Variants in PDCD4 observed in about 807,000 individuals in gnomAD.
The protein encoded by PDCD4 is programmed cell death protein 4.
A neutral mutation model predicts 54.0 loss-of-function variants in PDCD4; 56 were observed. The observed-to-expected ratio is 1.04, with a 90% CI of 0.84 to 1.30. The LOEUF (loss-of-function observed/expected upper bound fraction) is 1.30. Ranked by LOEUF, PDCD4 falls within the 50% of genes most tolerant of loss-of-function variation. The probability of loss-of-function intolerance (pLI) is 0.00; values close to 1 mark genes in which losing one functional copy is unlikely to be tolerated. For missense variants in PDCD4, 584 were observed against 559.8 expected (o/e 1.04, Z -0.44); for synonymous variants, 186 against 194.8 (o/e 0.95, Z 0.37).
At chr10:110,875,294 C>A (rs764126806) in intron 1 of PDCD4, among the ~76,000 whole-genome samples, 18 of 152,024 alleles carry the variant, frequency 1.2e-4, no homozygotes, top group Non-Finnish European at 2.4e-4. Flanking sequence ...GTACTTACTC[C>A]TTTCTGAAAT....
intron 2 of PDCD4, among the ~76,000 whole-genome samples, chr10:110,877,733 C>T (rs537222807): frequency 9.9e-5 from 15 of 152,152 alleles, no homozygotes; most frequent in African/African-American, 3.6e-4. Flanking sequence ...CTAAGATAGA[C>T]CCTCTTTGTA....
At chr10:110,873,872 A>T (rs777850585) in intron 1 of PDCD4, among the ~76,000 whole-genome samples, 2 of 152,178 alleles carry the variant, frequency 1.3e-5, no homozygotes, top group African/African-American at 4.8e-5. Context: ...AATAAAAGAG[A>T]TGATAGTCAT....
Position 110,898,355 on chromosome 10 carries a change from G to A in PDCD4, c.*267G>A, listed in dbSNP as rs1394389347. 3.7e-6 allele frequency: 1 copy of A among 268,918 alleles called. No homozygotes were observed. Among genetic ancestry groups the A allele is most frequent in the Non-Finnish European group, 6.9e-6 (1 of 145,174 alleles). The allele number at this position is 268,918 out of a possible 1,614,324, so 16.7% of individuals were successfully genotyped here. ...ATAAGCTACCTTTTGTAAGTGCCAT[G>A]TTTATTATCTAATCATTCCAAGTTT... On this transcript the variant is annotated 3_prime_UTR_variant, in exon 12 of 12. Transcript: ENST00000280154.
At chr10:110,872,791 C>G (rs1194469168) in intron 1 of PDCD4, among the ~76,000 whole-genome samples, 1 of 152,168 alleles carries the variant, frequency 6.6e-6, no homozygotes, top group African/African-American at 2.4e-5. Context: ...AAGGGAGCCC[C>G]CTTTCTGTGA....
chr10:110,872,398 T>C (rs1280070152), intron 1 of PDCD4, among the ~76,000 whole-genome samples: 2 of 151,894 alleles, frequency 1.3e-5, no homozygotes, highest in African/African-American at 4.8e-5. Flanking sequence ...GGGGCCGGGA[T>C]TGGAAGGCGT....
intron 4 of PDCD4, among the ~76,000 whole-genome samples, chr10:110,884,101 A>G (rs1162065598): frequency 1.3e-5 from 2 of 152,194 alleles, no homozygotes; most frequent in African/African-American, 2.4e-5. Context: ...AGTAATTCAT[A>G]AGTTTTAAAT....
At chr10:110,890,863 C>G (rs1845744828) in intron 8 of PDCD4, 193 bp downstream of exon 8, 1 of 380,276 alleles carries the variant, frequency 2.6e-6, no homozygotes, top group East Asian at 3.9e-5. Flanking sequence ...AAAAATGAGT[C>G]TGTTAAAATG....
chr10:110,879,487 A>AC (rs1444255284), intron 2 of PDCD4, among the ~76,000 whole-genome samples: 1 of 151,796 alleles, frequency 6.6e-6, no homozygotes, highest in Non-Finnish European at 1.5e-5. Context: ...TAACACGGTG[A>AC]CCCCATCTGT....
chr10:110,888,512 G>C (rs1356966647), intron 6 of PDCD4, among the ~76,000 whole-genome samples: 2 of 152,030 alleles, frequency 1.3e-5, no homozygotes, highest in Non-Finnish European at 2.9e-5. Flanking sequence ...GATTACATAA[G>C]TTTATATTTA....
rs1379939259 is a variant in PDCD4, at chr10:110,899,453, A to G, written c.*1365A>G. The G allele has an allele frequency of 6.6e-6, 1 of 152,204 alleles. No individual in the cohort carries two copies. Among genetic ancestry groups the G allele is most frequent in the Non-Finnish European group, 1.5e-5 (1 of 68,028 alleles). 9.4% of individuals were successfully genotyped at this position (152,204 alleles called of 1,614,324 possible). ...ATTTTATTCTCAAGTGCTTAAAATT[A>G]ATGTAATTAAAAGCTTAGCTGACTA... is the stretch of plus-strand genomic sequence containing the variant. On this transcript the variant is annotated 3_prime_UTR_variant, in exon 12 of 12. Coordinates refer to ENST00000280154, the MANE Select transcript of PDCD4 (RefSeq NM_014456.5).
At chr10:110,885,558 C>T (rs1164394786) in intron 5 of PDCD4, among the ~76,000 whole-genome samples, 192 bp downstream of exon 5, 1 of 151,820 alleles carries the variant, frequency 6.6e-6, no homozygotes, top group Non-Finnish European at 1.5e-5. Flanking sequence ...GTGATGAGAG[C>T]TGTGTGCCAT....
At chr10:110,876,818 TTAG>T in intron 2 of PDCD4, 1 of 526,516 alleles carries the variant, frequency 1.9e-6, no homozygotes, top group Non-Finnish European at 3.3e-6. Context: ...AAAAAGTTAA[TTAG>T]AATTGTGTAA....
At chr10:110,875,938 G>A (rs1205990295) in intron 1 of PDCD4, 28 bp from the exon 2 acceptor site, 3 of 1,033,944 alleles carry the variant, frequency 2.9e-6, no homozygotes, top group Non-Finnish European at 4.3e-6. Flanking sequence ...AGATCTTGAA[G>A]CTTTCTTTTT....
chr10:110,889,894 A>G (rs749150790), intron 7 of PDCD4, among the ~76,000 whole-genome samples: 8 of 152,178 alleles, frequency 5.3e-5, no homozygotes, highest in Non-Finnish European at 1.2e-4. Flanking sequence ...TTCTTTATTT[A>G]TGAAACAAAA....
At chr10:110,885,206 A>G in intron 4 of PDCD4, 47 bp from the exon 5 acceptor site, 1 of 836,814 alleles carries the variant, frequency 1.2e-6, no homozygotes, top group Non-Finnish European at 2.0e-6. Context: ...TCACTTGTTT[A>G]TTTGCATTTT....
Position 110,899,788 on chromosome 10 carries a change from T to A in PDCD4, c.*1700T>A, listed in dbSNP as rs1171696543. ...CTCGTTTGGGCAACAAGAGTGAAAC[T>A]CTTGTCTCAAAAAAAAAAAAAAATG... On this transcript the variant is annotated 3_prime_UTR_variant, in exon 12 of 12. Transcript: ENST00000280154. 4.2e-5 allele frequency: 5 copies of A among 118,052 alleles called. No homozygotes were observed. Among genetic ancestry groups the A allele is most frequent in the Non-Finnish European group, 3.8e-5 (2 of 52,220 alleles). 7.3% of individuals were successfully genotyped at this position (118,052 alleles called of 1,614,324 possible).
At chr10:110,876,141 G>A in intron 2 of PDCD4, 71 bp downstream of exon 2, 1 of 1,266,732 alleles carries the variant, frequency 7.9e-7, no homozygotes, top group Non-Finnish European at 1.1e-6. Flanking sequence ...ACCCAGGCTG[G>A]AGTGCAGTGG....
chr10:110,882,934 AT>A, intron 3 of PDCD4, 68 bp from the exon 4 acceptor site: 1 of 987,098 alleles, frequency 1.0e-6, no homozygotes, highest in Non-Finnish European at 1.6e-6. Context: ...ACATCGGAAC[AT>A]TTTATTTTAG....
chr10:110,888,456 G>A (rs1838194118), intron 6 of PDCD4, among the ~76,000 whole-genome samples: 1 of 152,040 alleles, frequency 6.6e-6, no homozygotes, highest in Non-Finnish European at 1.5e-5. Context: ...TGATTCTAAT[G>A]CAGACATTTT....
Sources: gnomAD v4.1 joint callset for allele counts (sites outside exome capture counted in the v4.1 genomes callset) on GRCh38, gnomAD v4.1.1 for gene constraint, MANE v1.5 for transcripts, NCBI Gene and HGNC (gene_info 2026-07-23, HGNC 2026-07-21) for gene names.